The following VAV1 variants were observed in gnomAD, a reference collection of about 807,000 sequenced individuals.
VAV1 encodes the protein vav guanine nucleotide exchange factor 1.
Under a neutral mutation model 128.1 loss-of-function variants are expected in VAV1, and 33 were observed. The observed-to-expected ratio is 0.26, with a 90% CI of 0.20 to 0.34. The LOEUF (loss-of-function observed/expected upper bound fraction) is 0.34, where lower values mean the gene tolerates loss of function less well. Among genes scored for constraint, VAV1 ranks in the 10% least tolerant of loss-of-function variants. VAV1 has a pLI of 1.00. For synonymous variants in VAV1, 394 were observed against 409.8 expected, an observed-to-expected ratio of 0.96 and a Z score of 0.47; for missense variants, 715 against 1,093.7, an observed-to-expected ratio of 0.65 and a Z score of 4.88.
At chr19:6,827,554 C>A (rs164023) in intron 9 of VAV1, among the ~76,000 whole-genome samples, 4 of 152,136 alleles carry the variant, frequency 2.6e-5, no homozygotes, top group Non-Finnish European at 4.4e-5. Context: ...GATTACAGGC[C>A]TGAGCAATCG....
intron 1 of VAV1, among the ~76,000 whole-genome samples, chr19:6,782,839 C>T (rs2144697405): frequency 6.6e-6 from 1 of 150,944 alleles, no homozygotes; most frequent in South Asian, 2.1e-4. Context: ...CTATAGATCG[C>T]GCCGCTGCAG....
intron 21 of VAV1, among the ~76,000 whole-genome samples, chr19:6,838,057 G>A (rs775415295): frequency 3.3e-5 from 5 of 152,012 alleles, no homozygotes; most frequent in Non-Finnish European, 7.4e-5. Context: ...TCTGCTGCAA[G>A]AAAGAGCTGT....
intron 1 of VAV1, among the ~76,000 whole-genome samples, chr19:6,812,104 G>T (rs968395219): frequency 2.0e-5 from 3 of 152,222 alleles, no homozygotes; most frequent in Admixed American, 6.5e-5. Flanking sequence ...TGCAAGGAGA[G>T]ATGGGAAATG....
intron 1 of VAV1, among the ~76,000 whole-genome samples, chr19:6,790,967 T>C (rs1165669206): frequency 6.6e-6 from 1 of 152,160 alleles, no homozygotes; most frequent in Non-Finnish European, 1.5e-5. Context: ...TAGTCCTCAA[T>C]CTGGTCCAGT....
rs370726079 is a variant in VAV1, at chr19:6,772,828, C to T, written c.21C>T (p.Cys7=). ...TAGCCATGGAGCTGTGGCGCCAATG[C>T]ACCCACTGGCTCATCCAGTGCCGGG... The part of the protein sequence containing the change: MELWRQ[C]THWLIQCRVL... Residue 7 remains cysteine (C), a synonymous_variant, in exon 1 of 27, where the codon TGC becomes TGT. Transcript: ENST00000602142. The surrounding 1 kb of genome is among the most constrained non-coding windows in gnomAD (Gnocchi z 4.8). 15 of 1,613,770 alleles carry T rather than the reference C, an allele frequency of 9.3e-6. No homozygotes were observed. In the African/African-American group the frequency reaches 9.3e-5, roughly 10 times the overall value.
rs367751785 is a variant in VAV1 at position 6,826,737 on chromosome 19, G to T, written c.927+26G>T. Reference sequence around the variant, plus strand: ...GTGGGCGCCGGGCCACTTCTCGGGGGCCTCTCCCGCTCCTCCCCAGGCCCT... The same window carrying T: ...GTGGGCGCCGGGCCACTTCTCGGGGTCCTCTCCCGCTCCTCCCCAGGCCCT... On this transcript the variant is annotated intron_variant, in intron 9 of 26. Transcript: ENST00000602142. The surrounding 1 kb of genome is among the most constrained non-coding windows in gnomAD (Gnocchi z 4.1). 2.0e-6 allele frequency: 3 copies of T among 1,516,928 alleles called. No individual in the cohort carries two copies. The highest frequency in any genetic ancestry group is 2.8e-5 in the African/African-American group (2 of 72,634). 94.0% of individuals were successfully genotyped at this position (1,516,928 alleles called of 1,614,324 possible).
intron 1 of VAV1, among the ~76,000 whole-genome samples, chr19:6,812,956 A>G (rs557752400): frequency 6.6e-6 from 1 of 152,204 alleles, no homozygotes; most frequent in African/African-American, 2.4e-5. Flanking sequence ...CTTTTTATGC[A>G]TCATATAACT....
intron 1 of VAV1, among the ~76,000 whole-genome samples, chr19:6,789,593 C>CTTCCTTCCTTCCT (rs559220122): frequency 1.0e-4 from 15 of 149,990 alleles, no homozygotes; most frequent in African/African-American, 3.5e-4. Context: ...TTTTCTTTCC[C>CTTCCTTCCTTCCT]TCCTTCCTTC....
chr19:6,809,120 G>A (rs573606930), intron 1 of VAV1, among the ~76,000 whole-genome samples: 13 of 147,620 alleles, frequency 8.8e-5, no homozygotes, highest in African/African-American at 2.6e-4. Flanking sequence ...TTGTCTTGTC[G>A]CCCAAGCTGG....
intron 1 of VAV1, among the ~76,000 whole-genome samples, chr19:6,801,031 C>T (rs1971256205): frequency 6.6e-6 from 1 of 152,218 alleles, no homozygotes; most frequent in South Asian, 2.1e-4. Flanking sequence ...GCTCTCTGTG[C>T]TTCCCGGCAC....
intron 22 of VAV1, among the ~76,000 whole-genome samples, chr19:6,846,124 C>T (rs888770823): frequency 6.7e-6 from 1 of 149,228 alleles, no homozygotes; most frequent in Non-Finnish European, 1.5e-5. Context: ...TTTTAACATA[C>T]ATTTACATTA....
intron 1 of VAV1, among the ~76,000 whole-genome samples, chr19:6,817,813 A>C (rs554679100): frequency 6.6e-6 from 1 of 151,864 alleles, no homozygotes; most frequent in Non-Finnish European, 1.5e-5. Context: ...CAGCCTCCCG[A>C]GTAGCTGGGA....
At chr19:6,781,338 A>G (rs770085781) in intron 1 of VAV1, among the ~76,000 whole-genome samples, 14 of 152,186 alleles carry the variant, frequency 9.2e-5, no homozygotes, top group Non-Finnish European at 1.5e-4. Context: ...AATTATTTCA[A>G]TTATACCACC....
intron 22 of VAV1, among the ~76,000 whole-genome samples, chr19:6,844,351 G>A (rs1004867873): frequency 2.0e-4 from 30 of 151,672 alleles, no homozygotes; most frequent in African/African-American, 7.3e-4. Flanking sequence ...CCCGAGCTGG[G>A]ATTACAGGCA....
At chr19:6,816,075 A>G (rs368935436) in intron 1 of VAV1, among the ~76,000 whole-genome samples, 1 of 143,684 alleles carries the variant, frequency 7.0e-6, no homozygotes, top group East Asian at 2.0e-4. Flanking sequence ...GCTGGAGTGC[A>G]GTGGCGCAAT....
At chr19:6,814,667 C>CTTTCTTTCTTTCTTTCTTTCTTT (rs1568299138) in intron 1 of VAV1, among the ~76,000 whole-genome samples, 29 of 25,090 alleles carry the variant, frequency 1.2e-3, no homozygotes, top group East Asian at 3.4e-3. Flanking sequence ...TTCCTTCCTT[C>CTTTCTTTCTTTCTTTCTTTCTTT]CTTCCTTTCT....
intron 23 of VAV1, among the ~76,000 whole-genome samples, 189 bp from the exon 24 acceptor site, chr19:6,850,481 C>G (rs907182683): frequency 6.6e-6 from 1 of 151,340 alleles, no homozygotes; most frequent in Non-Finnish European, 1.5e-5. Flanking sequence ...TCCTCTTCTA[C>G]GAGAGGAAGA....
Position 6,812,690 on chromosome 19 carries a change from A to G in VAV1, c.205-8012A>G, listed in dbSNP as rs533128971. Among the ~76,000 whole-genome samples the G allele has an allele frequency of 4.8e-4, 73 of 152,204 alleles. No homozygotes were observed. In the South Asian group the frequency reaches 8.9e-3, roughly 19 times the overall value. ...AACAAAGACAACCCAAAATACAAAA[A>G]TTGATGGGTTGGTGAATGCTCTTGG... On this transcript the variant is annotated intron_variant, in intron 1 of 26. Transcript: ENST00000602142.
chr19:6,778,216 C>A (rs1463384054), intron 1 of VAV1, among the ~76,000 whole-genome samples: 3 of 152,020 alleles, frequency 2.0e-5, no homozygotes, highest in Admixed American at 1.3e-4. Context: ...GGATTGCAGG[C>A]GTTAAGCCAC....
Sources: allele counts gnomAD v4.1 joint callset (sites outside exome capture counted in the v4.1 genomes callset), GRCh38; gene constraint gnomAD v4.1.1; non-coding constraint Gnocchi (gnomAD v3.1); transcripts MANE v1.5; gene names NCBI Gene and HGNC (gene_info 2026-07-23, HGNC 2026-07-21).